The following ST18 variants were observed in gnomAD, a reference collection of about 807,000 sequenced individuals.
ST18 encodes the protein suppression of tumorigenicity 18 protein.
Under a neutral mutation model 110.0 loss-of-function variants are expected in ST18, and 50 were observed. The observed-to-expected ratio is 0.45, with a 90% CI of 0.36 to 0.58. The LOEUF is 0.58. ST18 is among the 20% of genes least tolerant of loss of function. The pLI is 0.00. For missense variants in ST18, 1,306 were observed against 1,280.1 expected, an observed-to-expected ratio of 1.02 and a Z score of -0.31; for synonymous variants, 461 against 452.4, an observed-to-expected ratio of 1.02 and a Z score of -0.24.
intron 2 of ST18, among the ~76,000 whole-genome samples, chr8:52,275,882 A>G (rs2095224869): frequency 6.6e-6 from 1 of 151,988 alleles, no homozygotes; most frequent in Admixed American, 6.6e-5. Context: ...CAGTATAGCA[A>G]GCAGCAAGAA....
At chr8:52,266,202 A>G (rs2094862083) in intron 2 of ST18, among the ~76,000 whole-genome samples, 1 of 152,226 alleles carries the variant, frequency 6.6e-6, no homozygotes. Context: ...TTTAAGGATA[A>G]AATGCAATGA....
At chr8:52,234,602 G>T (rs922546664) in intron 2 of ST18, among the ~76,000 whole-genome samples, 3 of 152,078 alleles carry the variant, frequency 2.0e-5, no homozygotes, top group African/African-American at 7.2e-5. Context: ...TCTACCCAGA[G>T]GAAAAGAAGT....
chr8:52,183,379 CAGTTGAAG>C (rs2070671211), intron 8 of ST18, among the ~76,000 whole-genome samples: 1 of 152,148 alleles, frequency 6.6e-6, no homozygotes, highest in African/African-American at 2.4e-5. Context: ...AATGAGATGG[CAGTTGAAG>C]ACTATAAAAA....
At chr8:52,406,165 A>C (rs1398670585) in intron 2 of ST18, 4 of 152,230 alleles carry the variant, frequency 2.6e-5, no homozygotes, top group Non-Finnish European at 5.9e-5. Context: ...GATGAGGTGA[A>C]ATCTTTTCTT....
At chr8:52,253,166 C>T (rs1054852152) in intron 2 of ST18, among the ~76,000 whole-genome samples, 9 of 151,812 alleles carry the variant, frequency 5.9e-5, no homozygotes, top group African/African-American at 9.7e-5. Context: ...GTGCATACTT[C>T]GACTGCTGAC....
At chr8:52,177,713 T>C (rs1202946816) in intron 9 of ST18, among the ~76,000 whole-genome samples, 1 of 152,232 alleles carries the variant, frequency 6.6e-6, no homozygotes, top group African/African-American at 2.4e-5. Flanking sequence ...TTACAGAGCA[T>C]AGTTAGTTGG....
At chr8:52,390,952 G>C (rs1346574409) in intron 2 of ST18, among the ~76,000 whole-genome samples, 1 of 152,180 alleles carries the variant, frequency 6.6e-6, no homozygotes, top group Non-Finnish European at 1.5e-5. Flanking sequence ...TCAATAAATG[G>C]ATAACAACAG....
At chr8:52,400,387 T>A (rs1046430263) in intron 2 of ST18, among the ~76,000 whole-genome samples, 6 of 152,244 alleles carry the variant, frequency 3.9e-5, no homozygotes, top group Admixed American at 2.0e-4. Context: ...GATTGGAAAG[T>A]TTAATCCATT....
chr8:52,221,562 CA>C (rs1230294516), intron 4 of ST18, 77 bp downstream of exon 4: 1 of 152,168 alleles, frequency 6.6e-6, no homozygotes, highest in Non-Finnish European at 1.5e-5. Flanking sequence ...CCAATTTATA[CA>C]AACATCACGT....
At chr8:52,346,149 C>T (rs987501752) in intron 2 of ST18, among the ~76,000 whole-genome samples, 5 of 150,778 alleles carry the variant, frequency 3.3e-5, no homozygotes, top group Admixed American at 1.3e-4. Flanking sequence ...GAGAAAAAGG[C>T]CATATGTAAA....
At chr8:52,328,679 T>G (rs181630852) in intron 2 of ST18, among the ~76,000 whole-genome samples, 1 of 152,206 alleles carries the variant, frequency 6.6e-6, no homozygotes, top group African/African-American at 2.4e-5. Context: ...ATCCTAGGCA[T>G]GTAGGACTTC....
Position 52,255,293 on chromosome 8 carries a change from T to C in ST18, c.-464-25216A>G, listed in dbSNP as rs748180925. Among the ~76,000 whole-genome samples, 7 of 152,270 alleles carry C rather than the reference T, an allele frequency of 4.6e-5. No homozygotes were observed. The South Asian group carries it at 6.2e-4, about 14-fold the overall frequency. On this transcript the variant is annotated intron_variant, in intron 2 of 25. Transcript: ENST00000689386. The stretch of plus-strand genomic sequence containing the variant: ...ACAGGGAATTTTTTCATGGGGCTAC[T>C]TTTTCCCCTGACTCCAAGTGGACAT...
intron 2 of ST18, among the ~76,000 whole-genome samples, chr8:52,252,063 C>T (rs1310409062): frequency 6.6e-6 from 1 of 151,984 alleles, no homozygotes; most frequent in African/African-American, 2.4e-5. Flanking sequence ...ACCATAGAAA[C>T]TATTTGCAAT....
At chr8:52,274,989 A>G (rs954679792) in intron 2 of ST18, among the ~76,000 whole-genome samples, 1 of 152,156 alleles carries the variant, frequency 6.6e-6, no homozygotes, top group Non-Finnish European at 1.5e-5. Flanking sequence ...AAGGCACCAG[A>G]GCTTTGTGAC....
intron 8 of ST18, among the ~76,000 whole-genome samples, chr8:52,185,298 C>T (rs1041151273): frequency 6.6e-6 from 1 of 152,064 alleles, no homozygotes; most frequent in South Asian, 2.1e-4. Context: ...TAGAGAGATG[C>T]AAAGTGTTCA....
chr8:52,211,377 A>AATT (rs3054637), intron 8 of ST18, among the ~76,000 whole-genome samples: 45,693 of 138,152 alleles, frequency 0.33, 7,692 homozygotes, highest in East Asian at 0.43. Context: ...GGAATCATCT[A>AATT]ATTATTATTA....
intron 2 of ST18, among the ~76,000 whole-genome samples, chr8:52,387,085 T>C (rs1837082701): frequency 6.6e-6 from 1 of 152,100 alleles, no homozygotes; most frequent in Non-Finnish European, 1.5e-5. Context: ...CTTCCTTCCT[T>C]TCCTTTCCTC....
intron 2 of ST18, among the ~76,000 whole-genome samples, chr8:52,237,749 T>C (rs117433187): frequency 0.02 from 3,055 of 152,340 alleles, 52 homozygotes; most frequent in Non-Finnish European, 0.032. Context: ...GGATGGGCTA[T>C]TTTAGATTGA....
chr8:52,284,650 C>T (rs1479210431), intron 2 of ST18, among the ~76,000 whole-genome samples: 1 of 151,686 alleles, frequency 6.6e-6, no homozygotes, highest in African/African-American at 2.4e-5. Flanking sequence ...GTTAGAACAG[C>T]AGGTTCAAGA....
Sources: gnomAD v4.1 joint callset for allele counts (sites outside exome capture counted in the v4.1 genomes callset) on GRCh38, gnomAD v4.1.1 for gene constraint, MANE v1.5 for transcripts, NCBI Gene and HGNC (gene_info 2026-07-23, HGNC 2026-07-21) for gene names.